RANGAP1: variants seen among roughly 807,000 people sequenced by gnomAD.
The protein encoded by RANGAP1 is Ran GTPase activating protein 1.
RANGAP1 carries 38 observed loss-of-function variants against 63.5 expected under a neutral mutation model. The observed-to-expected ratio is 0.60, with a 90% CI of 0.46 to 0.78. The LOEUF (loss-of-function observed/expected upper bound fraction) is 0.78, where lower values mean the gene tolerates loss of function less well. Ranked by LOEUF, RANGAP1 falls within the 30% of genes least tolerant of loss-of-function variation. The probability of loss-of-function intolerance (pLI) is 0.00; values close to 1 mark genes in which losing one functional copy is unlikely to be tolerated. For synonymous variants in RANGAP1, 329 were observed against 310.5 expected (o/e 1.06, Z -0.63); for missense variants, 630 against 740.3 (o/e 0.85, Z 1.73).
the RANGAP1 span, among the ~76,000 whole-genome samples, chr22:41,293,339 G>C: frequency 2.6e-5 from 4 of 152,134 alleles, no homozygotes; most frequent in South Asian, 4.1e-4. Flanking sequence ...TTGAGCCCAG[G>C]AGTTGAAGGC....
At chr22:41,269,747 A>G (rs1179241862) in intron 3 of RANGAP1, among the ~76,000 whole-genome samples, 1 of 152,024 alleles carries the variant, frequency 6.6e-6, no homozygotes, top group Non-Finnish European at 1.5e-5. Flanking sequence ...CTCAAAAAAA[A>G]AAAAAAAAAG....
chr22:41,287,418 C>T (rs1250394485), upstream of RANGAP1, among the ~76,000 whole-genome samples: 1 of 145,566 alleles, frequency 6.9e-6, no homozygotes, highest in Admixed American at 7.0e-5. Flanking sequence ...ACTCTTGTTG[C>T]CCATCTTGGC....
chr22:41,271,636 G>A (rs1429640007), intron 3 of RANGAP1, among the ~76,000 whole-genome samples: 2 of 151,648 alleles, frequency 1.3e-5, no homozygotes, highest in Admixed American at 6.6e-5. Flanking sequence ...GGAGCTTGCA[G>A]TGAGCTGAGA....
intron 5 of RANGAP1, 58 bp from the exon 6 acceptor site, chr22:41,261,638 T>C: frequency 6.2e-7 from 1 of 1,608,130 alleles, no homozygotes; most frequent in South Asian, 1.1e-5. Context: ...CCCAGCGGGG[T>C]GGCCACTGCT....
At position 41,257,223 on chromosome 22, in the gene RANGAP1, G is replaced by A. The variant is rs975262313; in HGVS notation, c.775-399C>T. On this transcript the variant is annotated intron_variant, in intron 7 of 15. Coordinates refer to ENST00000356244, the MANE Select transcript of RANGAP1 (RefSeq NM_002883.4). This position sits in a 1 kb window ranked among gnomAD's most constrained non-coding sequence, Gnocchi z 4.0. ...AGTCTGATTTGAACTTCCTTCTGGC[G>A]TGTTCCCCAACACCTGCACACATCT... Among the ~76,000 whole-genome samples, 13 of 152,078 alleles carry A rather than the reference G, an allele frequency of 8.5e-5. No homozygotes were observed. Among genetic ancestry groups the A allele is most frequent in the African/African-American group, 1.9e-4 (8 of 41,392 alleles).
At chr22:41,301,548 T>A in the RANGAP1 span, 4 of 152,214 alleles carry the variant, frequency 2.6e-5, no homozygotes, top group African/African-American at 9.6e-5. Flanking sequence ...CAGCGGGTGC[T>A]GCCGCGAGCG....
intron 5 of RANGAP1, among the ~76,000 whole-genome samples, chr22:41,261,822 G>C (rs936880436): frequency 2.0e-5 from 3 of 152,150 alleles, no homozygotes; most frequent in Admixed American, 6.5e-5. Context: ...CTTTCGAGAC[G>C]GGGAGACCAA....
chr22:41,246,457 G>A lies in RANGAP1; in HGVS notation c.*146C>T, dbSNP rs2033035869. 2 of 809,684 alleles carry A rather than the reference G, an allele frequency of 2.5e-6. No homozygotes were observed. Among genetic ancestry groups the A allele is most frequent in the Non-Finnish European group, 3.9e-6 (2 of 512,954 alleles). The allele number at this position is 809,684 out of a possible 1,614,324, so 50.2% of individuals were successfully genotyped here. A position where few individuals can be genotyped will look rare whatever the true frequency, so the allele number is the denominator to read the frequency against. ...TGCGCCACACCCACACACATACTCA[G>A]GGGACTGACAGGACACATGGGACAC... On this transcript the variant is annotated 3_prime_UTR_variant, in exon 16 of 16. Transcript: ENST00000356244.
At position 41,249,413 on chromosome 22, in the gene RANGAP1, G is replaced by A. The variant is rs766075373; in HGVS notation, c.1611C>T (p.Gly537=). ...DKVKAIANLY[G]PLMALNHMVQ... ...CCATGTGGTTCAGCGCCATCAGGGG[G>A]CCGTACAGGTTGGCAATGGCCTTGA... The change falls in exon 15 of 16, where the codon GGC becomes GGT. Residue 537 remains glycine (G), a synonymous_variant. Coordinates refer to ENST00000356244, the MANE Select transcript of RANGAP1 (RefSeq NM_002883.4). 1.9e-6 allele frequency: 3 copies of A among 1,614,184 alleles called. No homozygotes were observed. Among genetic ancestry groups the A allele is most frequent in the Non-Finnish European group, 2.5e-6 (3 of 1,180,024 alleles).
chr22:41,265,532 G>A (rs539604934), intron 4 of RANGAP1, among the ~76,000 whole-genome samples: 2 of 152,276 alleles, frequency 1.3e-5, no homozygotes, highest in Admixed American at 6.5e-5. Flanking sequence ...TTCCCTGTTC[G>A]TGCAGGAGGA....
chr22:41,267,647 C>A (rs2034559629), intron 4 of RANGAP1, among the ~76,000 whole-genome samples: 1 of 152,098 alleles, frequency 6.6e-6, no homozygotes, highest in Admixed American at 6.6e-5. Context: ...ATGACGGGCA[C>A]AAACCAAAGC....
At chr22:41,260,322 G>A (rs1442171124) in intron 6 of RANGAP1, among the ~76,000 whole-genome samples, 2 of 152,098 alleles carry the variant, frequency 1.3e-5, no homozygotes, top group Non-Finnish European at 2.9e-5. Context: ...GCAGGCTGAC[G>A]GCAGGGAGGG....
In RANGAP1 at chr22:41,252,874, G is replaced by T; in HGVS notation, c.1378C>A (p.Gln460Lys). Residue 460 changes from glutamine (Q) to lysine (K), a missense_variant and splice_region_variant, in exon 12 of 16, where the codon CAG (glutamine) becomes AAG (lysine). By Grantham distance (53) the Gln-to-Lys change is moderately conservative. Coordinates refer to ENST00000356244, the MANE Select transcript of RANGAP1 (RefSeq NM_002883.4). The stretch of plus-strand genomic sequence containing the variant: ...GGGGGTCGAGGGGTGGTTATTACCT[G>T]CTGGGCTATCAGCACGGAGCTCTTG... ...GPKSSVLIAQ[Q>K]TDTSDPEKVV... 6.4e-7 allele frequency: 1 copy of T among 1,571,470 alleles called. No individual in the cohort carries two copies. The highest frequency in any genetic ancestry group is 8.6e-7 in the Non-Finnish European group (1 of 1,160,840).
rs2035467925 is a variant in RANGAP1, at chr22:41,281,083, C to T, written c.-38-1G>A. ...GTGGGCTCCCCTGGAGATCTGCAGACTGAGGAGGCCAAAGTTGCAGTAAGA... is the reference window on the plus strand; with the variant it reads ...GTGGGCTCCCCTGGAGATCTGCAGATTGAGGAGGCCAAAGTTGCAGTAAGA... On this transcript the variant is annotated splice_acceptor_variant, in intron 1 of 15. Transcript: ENST00000356244. LOFTEE classifies it low-confidence loss of function (5UTR_SPLICE). 6.5e-7 allele frequency: 1 copy of T among 1,538,470 alleles called. No homozygotes were observed. The highest frequency in any genetic ancestry group is 1.4e-5 in the African/African-American group (1 of 72,436).
chr22:41,257,996 G>A lies in RANGAP1; in HGVS notation c.726C>T (p.Asn242=), dbSNP rs371690474. 3.1e-5 allele frequency: 50 copies of A among 1,613,378 alleles called. No homozygotes were observed. Among genetic ancestry groups the A allele is most frequent in the Non-Finnish European group, 4.1e-5 (48 of 1,179,686 alleles). The stretch of plus-strand genomic sequence containing the variant: ...TCTCAGTGAAGGTGTTGTCATTCAG[G>A]TTGATGACCCGCAGCAGGGGGTTGA... ...FAVNPLLRVI[N]LNDNTFTEKG... Residue 242 remains asparagine, a synonymous_variant, in exon 7 of 16, where the codon AAC becomes AAT. Transcript: ENST00000356244. This position sits in a 1 kb window ranked among gnomAD's most constrained non-coding sequence, Gnocchi z 4.0.
At chr22:41,294,649 G>T in the RANGAP1 span, among the ~76,000 whole-genome samples, 2 of 142,762 alleles carry the variant, frequency 1.4e-5, no homozygotes, top group Non-Finnish European at 3.1e-5. Flanking sequence ...GAAGTGAGGA[G>T]CATCTCTGCC....
upstream of RANGAP1, among the ~76,000 whole-genome samples, chr22:41,288,940 T>TGA (rs1555950948): frequency 6.7e-6 from 1 of 149,550 alleles, no homozygotes; most frequent in Non-Finnish European, 1.5e-5. Context: ...TTTTTTTTTT[T>TGA]GAGATGGAGT....
chr22:41,264,208 G>A (rs1002932875), intron 5 of RANGAP1, among the ~76,000 whole-genome samples: 6 of 152,118 alleles, frequency 3.9e-5, no homozygotes, highest in Middle Eastern at 3.4e-3. Flanking sequence ...CCAGCCCAAC[G>A]TGAAGCTCTA....
chr22:41,256,728 CG>C lies in RANGAP1; in HGVS notation c.870del (p.Gly291AlafsTer5). 6.2e-7 allele frequency: 1 copy of C among 1,613,952 alleles called. No homozygotes were observed. Among genetic ancestry groups the C allele is most frequent in the Non-Finnish European group, 8.5e-7 (1 of 1,179,998 alleles). ...GAVAIADAIR[G>X]GLPKLKELNL... ...GCTGGCACCTTTAGCTTGGGCAGGCCGCCGCGGATGGCATCTGCAATGGCAA... is the reference window on the plus strand; with the variant it reads ...GCTGGCACCTTTAGCTTGGGCAGGCCCCGCGGATGGCATCTGCAATGGCAA... On this transcript the variant is annotated frameshift_variant, in exon 8 of 16. Coordinates refer to ENST00000356244, the MANE Select transcript of RANGAP1 (RefSeq NM_002883.4). LOFTEE classifies it high-confidence loss of function.
Sources: gnomAD v4.1 joint callset for allele counts (sites outside exome capture counted in the v4.1 genomes callset) on GRCh38, gnomAD v4.1.1 for gene constraint, Gnocchi (gnomAD v3.1) non-coding constraint, MANE v1.5 for transcripts, NCBI Gene and HGNC (gene_info 2026-07-23, HGNC 2026-07-21) for gene names.